Variants in LGI3 observed in about 807,000 individuals in gnomAD.
The protein encoded by LGI3 is leucine-rich repeat LGI family member 3.
LGI3 carries 47 observed loss-of-function variants against 55.4 expected under a neutral mutation model. The observed-to-expected ratio is 0.85, with a 90% CI of 0.67 to 1.08. The LOEUF (loss-of-function observed/expected upper bound fraction) is 1.08. Among genes scored for constraint, LGI3 ranks in the 50% least tolerant of loss-of-function variants. The pLI is 0.00. For missense variants in LGI3, 664 were observed against 726.3 expected, an observed-to-expected ratio of 0.91 and a Z score of 0.99; for synonymous variants, 326 against 315.0, an observed-to-expected ratio of 1.04 and a Z score of -0.37.
chr8:22,155,619 C>T, intron 1 of LGI3, 156 bp from the exon 2 acceptor site: 4 of 651,998 alleles, frequency 6.1e-6, no homozygotes, highest in Non-Finnish European at 1.1e-5. Context: ...TTCCCTTCTC[C>T]TCCCAAATTC....
chr8:22,153,062 A>T (rs557277591), intron 5 of LGI3, among the ~76,000 whole-genome samples: 269 of 148,232 alleles, frequency 1.8e-3, no homozygotes, highest in Middle Eastern at 7.0e-3. Flanking sequence ...AAAAAAAAAA[A>T]TTTTTTAAAG....
chr8:22,151,955 C>A lies in LGI3; in HGVS notation c.540G>T (p.Trp180Cys). ...NSLNCDCKVK[W>C]LVEWLAHTNT... ...TGGTGTGTGCCAGCCACTCCACCAA[C>A]CACTTCACCTTGCAGTCACAGTTGA... The change falls in exon 6 of 8, where the codon TGG becomes TGT. Residue 180 changes from tryptophan to cysteine, a missense_variant. Coordinates refer to ENST00000306317, the MANE Select transcript of LGI3 (RefSeq NM_139278.4). The A allele has an allele frequency of 6.2e-7, 1 of 1,612,900 alleles. No homozygotes were observed. Among genetic ancestry groups the A allele is most frequent in the Non-Finnish European group, 8.5e-7 (1 of 1,179,470 alleles).
At chr8:22,153,357 T>G (rs951315187) in intron 5 of LGI3, among the ~76,000 whole-genome samples, 2 of 150,446 alleles carry the variant, frequency 1.3e-5, no homozygotes, top group African/African-American at 2.4e-5. Flanking sequence ...AGTGCTGGGA[T>G]TACAGGCGTG....
At position 22,147,322 on chromosome 8, in the gene LGI3, A is replaced by C. The variant is rs1827314656; in HGVS notation, c.*838T>G. On this transcript the variant is annotated 3_prime_UTR_variant, in exon 8 of 8. Transcript: ENST00000306317. ...GGGTGAGCTGGGATTCACGGCCATGAAGGAAACGCCAAGGAGAACAGAGAC... is the reference window on the plus strand; with the variant it reads ...GGGTGAGCTGGGATTCACGGCCATGCAGGAAACGCCAAGGAGAACAGAGAC... The C allele has an allele frequency of 6.6e-6, 1 of 152,278 alleles. No individual in the cohort carries two copies. The highest frequency in any genetic ancestry group is 1.5e-5 in the Non-Finnish European group (1 of 68,106). The allele number at this position is 152,278 out of a possible 1,614,324, so 9.4% of individuals were successfully genotyped here.
Position 22,147,977 on chromosome 8 carries a change from G to GTGA in LGI3, c.*180_*182dup, listed in dbSNP as rs1457466564. The GTGA allele has an allele frequency of 3.4e-6, 2 of 583,822 alleles. No individual in the cohort carries two copies. Among genetic ancestry groups the GTGA allele is most frequent in the Non-Finnish European group, 6.0e-6 (2 of 332,930 alleles). The allele number at this position is 583,822 out of a possible 1,614,324, so 36.2% of individuals were successfully genotyped here. On this transcript the variant is annotated 3_prime_UTR_variant, in exon 8 of 8. Coordinates refer to ENST00000306317, the MANE Select transcript of LGI3 (RefSeq NM_139278.4). ...GTGCCTGGTGTTCATGCTGATTGCAGTGATGATGCACGTCCTCCTGGGCCA... is the reference window on the plus strand; with the variant it reads ...GTGCCTGGTGTTCATGCTGATTGCAGTGATGATGATGCACGTCCTCCTGGGCCA...
At chr8:22,152,104 G>T in intron 5 of LGI3, 104 bp from the exon 6 acceptor site, 2 of 872,078 alleles carry the variant, frequency 2.3e-6, no homozygotes, top group Non-Finnish European at 3.4e-6. Flanking sequence ...GGTCAAGGCT[G>T]CTGCAAGTTG....
At chr8:22,155,214 C>T in intron 2 of LGI3, 178 bp downstream of exon 2, 1 of 648,312 alleles carries the variant, frequency 1.5e-6, no homozygotes, top group Non-Finnish European at 2.7e-6. Flanking sequence ...TGCCCCGACT[C>T]CCCTGACTCA....
intron 1 of LGI3, 73 bp from the exon 2 acceptor site, chr8:22,155,536 GGGCAGTA>G (rs1477444881): frequency 6.4e-6 from 8 of 1,255,530 alleles, no homozygotes; most frequent in Non-Finnish European, 9.3e-6. Flanking sequence ...TGAACACGGA[GGGCAGTA>G]GCTTTTGTAC....
rs562124557 is a variant in LGI3, at chr8:22,150,996, G to A, written c.829+493C>T. Among the ~76,000 whole-genome samples the A allele has an allele frequency of 1.7e-4, 26 of 151,914 alleles. No individual in the cohort carries two copies. In the South Asian group the frequency reaches 5.4e-3, roughly 32 times the overall value. On this transcript the variant is annotated intron_variant, in intron 7 of 7. Coordinates refer to ENST00000306317, the MANE Select transcript of LGI3 (RefSeq NM_139278.4). ...ACACCTCCTTGACTTCGTTCATGCT[G>A]TTCCCTCTGCCAAAACACTCTTTCC...
chr8:22,152,366 A>G (rs995476676), intron 5 of LGI3, among the ~76,000 whole-genome samples: 1 of 152,120 alleles, frequency 6.6e-6, no homozygotes, highest in African/African-American at 2.4e-5. Context: ...ATATACTACT[A>G]TATGCTATAT....
Position 22,154,036 on chromosome 8 carries a change from C to A in LGI3, c.426G>T (p.Ser142=), listed in dbSNP as rs776735340. 6.2e-7 allele frequency: 1 copy of A among 1,614,176 alleles called. No homozygotes were observed. Among genetic ancestry groups the A allele is most frequent in the Non-Finnish European group, 8.5e-7 (1 of 1,180,038 alleles). The change falls in exon 5 of 8, where the codon TCG becomes TCT. Residue 142 remains serine, a synonymous_variant. Coordinates refer to ENST00000306317, the MANE Select transcript of LGI3 (RefSeq NM_139278.4). Reference sequence around the variant, plus strand: ...GTGTCTGCAGGTTATTGTTGGCCAGCGAGCTGCAAAAGAGACCGCCAGGTC... The same window carrying A: ...GTGTCTGCAGGTTATTGTTGGCCAGAGAGCTGCAAAAGAGACCGCCAGGTC... ...FRGLKSLTHL[S]LANNNLQTLP...
chr8:22,156,224 C>G, intron 1 of LGI3, 113 bp downstream of exon 1: 1 of 1,172,586 alleles, frequency 8.5e-7, no homozygotes, highest in Non-Finnish European at 1.2e-6. Flanking sequence ...CCCTGCAGTC[C>G]CCCTGGTCCC....
chr8:22,151,864 G>C lies in LGI3; in HGVS notation c.631C>G (p.Leu211Val). The C allele has an allele frequency of 6.2e-7, 1 of 1,612,824 alleles. No individual in the cohort carries two copies. Among genetic ancestry groups the C allele is most frequent in the Non-Finnish European group, 8.5e-7 (1 of 1,179,468 alleles). ...PRFQEHKVQD[L>V]PLREFDCITT... The stretch of plus-strand genomic sequence containing the variant: ...ATGCAATCGAACTCCCGCAGCGGCA[G>C]GTCCTGCACCTTGTGCTCCTGGAAG... Residue 211 changes from leucine to valine, a missense_variant, in exon 6 of 8, where the codon CTG (leucine) becomes GTG (valine). Leu to Val is a conservative substitution (Grantham distance 32). Transcript: ENST00000306317.
intron 3 of LGI3, 145 bp downstream of exon 3, chr8:22,154,415 C>A: frequency 1.2e-6 from 1 of 818,346 alleles, no homozygotes; most frequent in Non-Finnish European, 2.1e-6. Context: ...TCAGGTCCTG[C>A]CATCACGGGA....
chr8:22,156,435 C>A lies in LGI3; in HGVS notation c.108G>T (p.Thr36=), dbSNP rs986408505. The part of the protein sequence containing the change: ...LQVSAKRPPK[T]PPCPPSCSCT... ...AAGAGCAGCTGGGCGGGCAGGGGGG[C>A]GTCTTGGGGGGCCTCTTAGCGCTGA... The change falls in exon 1 of 8, where the codon ACG becomes ACT. Residue 36 remains threonine, a synonymous_variant. Coordinates refer to ENST00000306317, the MANE Select transcript of LGI3 (RefSeq NM_139278.4). The A allele has an allele frequency of 1.6e-5, 25 of 1,572,330 alleles. No individual in the cohort carries two copies. The highest frequency in any genetic ancestry group is 2.1e-5 in the Non-Finnish European group (24 of 1,162,178).
chr8:22,147,984 T>C lies in LGI3; in HGVS notation c.*176A>G. On this transcript the variant is annotated 3_prime_UTR_variant, in exon 8 of 8. Transcript: ENST00000306317. Reference sequence around the variant, plus strand: ...GTGTTCATGCTGATTGCAGTGATGATGCACGTCCTCCTGGGCCAGTCCACG... The same window carrying C: ...GTGTTCATGCTGATTGCAGTGATGACGCACGTCCTCCTGGGCCAGTCCACG... 1 of 596,610 alleles carries C rather than the reference T, an allele frequency of 1.7e-6. No individual in the cohort carries two copies. The highest frequency in any genetic ancestry group is 2.8e-5 in the East Asian group (1 of 35,158). The allele number at this position is 596,610 out of a possible 1,614,324, so 37.0% of individuals were successfully genotyped here. A position where few individuals can be genotyped will look rare whatever the true frequency, so the allele number is the denominator to read the frequency against.
Position 22,151,923 on chromosome 8 carries a change from G to A in LGI3, c.572C>T (p.Thr191Met), listed in dbSNP as rs772604400. 1.7e-5 allele frequency: 27 copies of A among 1,613,122 alleles called. No individual in the cohort carries two copies. Among genetic ancestry groups the A allele is most frequent in the Non-Finnish European group, 1.9e-5 (22 of 1,179,882 alleles). Residue 191 changes from threonine to methionine, a missense_variant, in exon 6 of 8, where the codon ACG becomes ATG. By Grantham distance (81) the Thr-to-Met change is moderately conservative (BLOSUM62 -1). Transcript: ENST00000306317. ...LVEWLAHTNT[T>M]VAPIYCASPP... ...GCTGGCGCAGTAGATGGGTGCCACC[G>A]TGGTGTTGGTGTGTGCCAGCCACTC... is the stretch of plus-strand genomic sequence containing the variant.
At chr8:22,155,227 G>T (rs1354177143) in intron 2 of LGI3, 165 bp downstream of exon 2, 3 of 684,168 alleles carry the variant, frequency 4.4e-6, no homozygotes, top group Non-Finnish European at 7.7e-6. Flanking sequence ...CTGACTCAAG[G>T]CTGCCCCGTC....
In LGI3 at chr8:22,148,833, CGCT is replaced by C; in HGVS notation, c.971_973del (p.Gln324del). On this transcript the variant is annotated inframe_deletion, in exon 8 of 8. Transcript: ENST00000306317. The surrounding 1 kb of genome is among the most constrained non-coding windows in gnomAD (Gnocchi z 7.0). ...TTCTAGGTCGTTAGGCTTGCGCACG[CGCT>C]GCGGGTCAATGTCTTGCAGCCTGGT... 1.2e-6 allele frequency: 2 copies of C among 1,614,186 alleles called. No individual in the cohort carries two copies. The highest frequency in any genetic ancestry group is 2.7e-5 in the African/African-American group (2 of 75,046).
Sources: gnomAD v4.1 joint callset for allele counts (sites outside exome capture counted in the v4.1 genomes callset) on GRCh38, gnomAD v4.1.1 for gene constraint, Gnocchi (gnomAD v3.1) non-coding constraint, MANE v1.5 for transcripts, NCBI Gene and HGNC (gene_info 2026-07-23, HGNC 2026-07-21) for gene names.